Variants in TRMT44 observed in about 807,000 individuals in gnomAD.
TRMT44 encodes tRNA methyltransferase 44 homolog, also known as probable tRNA (uracil-O(2)-)-methyltransferase.
A neutral mutation model predicts 77.3 loss-of-function variants in TRMT44; 78 were observed. The observed-to-expected ratio is 1.01, with a 90% CI of 0.84 to 1.22. TRMT44 has a LOEUF of 1.22. Ranked by LOEUF, TRMT44 falls within the 50% of genes most tolerant of loss-of-function variation. The probability of loss-of-function intolerance (pLI) is 0.00; values close to 1 mark genes in which losing one functional copy is unlikely to be tolerated. For synonymous variants in TRMT44, 391 were observed against 383.3 expected, an observed-to-expected ratio of 1.02 and a Z score of -0.23; for missense variants, 1,090 against 964.4, an observed-to-expected ratio of 1.13 and a Z score of -1.73.
chr4:8,509,328 G>C, the TRMT44 span: 2 of 152,748 alleles, frequency 1.3e-5, no homozygotes, highest in Non-Finnish European at 2.9e-5. Context: ...GCAGTGGCGA[G>C]TGAGTGGCTG....
At chr4:8,463,685 C>T (rs1356600191) in intron 6 of TRMT44, among the ~76,000 whole-genome samples, 3 of 152,208 alleles carry the variant, frequency 2.0e-5, no homozygotes, top group Non-Finnish European at 4.4e-5. Flanking sequence ...TCCTGGAGCT[C>T]CTTCTTATGC....
At chr4:8,488,750 C>CCACAGTTGCATCTAGGATG (rs1330089477) in intron 2 of TRMT44, among the ~76,000 whole-genome samples, 2 of 152,212 alleles carry the variant, frequency 1.3e-5, no homozygotes, top group African/African-American at 4.8e-5. Context: ...GCCCTAGATG[C>CCACAGTTGCATCTAGGATG]CATCCTTCCA....
chr4:8,450,022 AGTGG>A (rs2109099807), intron 3 of TRMT44, 134 bp downstream of exon 3: 112 of 573,436 alleles, frequency 2.0e-4, no homozygotes, highest in Non-Finnish European at 2.7e-4. Flanking sequence ...GCCAGAGTGA[AGTGG>A]TGTGATCTTG....
intron 6 of TRMT44, among the ~76,000 whole-genome samples, chr4:8,460,918 C>T (rs1034865803): frequency 2.6e-5 from 4 of 152,146 alleles, no homozygotes; most frequent in Admixed American, 1.3e-4. Flanking sequence ...GATGTGATCA[C>T]GGCTCACTGT....
chr4:8,474,443 G>T (rs1727232534), intron 10 of TRMT44, among the ~76,000 whole-genome samples: 1 of 152,220 alleles, frequency 6.6e-6, no homozygotes, highest in South Asian at 2.1e-4. Context: ...ACAGGGTCAG[G>T]CCTGGCCTTG....
chr4:8,460,227 T>C (rs1726061598), intron 6 of TRMT44, among the ~76,000 whole-genome samples: 1 of 152,294 alleles, frequency 6.6e-6, no homozygotes, highest in African/African-American at 2.4e-5. Context: ...GGCCTCACTT[T>C]CCCAGGGTGG....
At chr4:8,501,339 G>A in the TRMT44 span, among the ~76,000 whole-genome samples, 3 of 152,126 alleles carry the variant, frequency 2.0e-5, no homozygotes, top group Non-Finnish European at 4.4e-5. This position sits in a 1 kb window ranked among gnomAD's most constrained non-coding sequence, Gnocchi z 4.4. Context: ...CTGAGAGATG[G>A]TATGTAGGCT....
rs539005944 is a variant in TRMT44, at chr4:8,467,329, C to T, written c.1495-585C>T. ...AACTAGGACGGTGCGGCTGCCGGGCCCAGGAGTGTGGACTCTTGAGTTTAG... is the reference window on the plus strand; with the variant it reads ...AACTAGGACGGTGCGGCTGCCGGGCTCAGGAGTGTGGACTCTTGAGTTTAG... On this transcript the variant is annotated intron_variant, in intron 8 of 10. Coordinates refer to ENST00000389737, the MANE Select transcript of TRMT44 (RefSeq NM_152544.3). 3.3e-5 allele frequency among the ~76,000 whole-genome samples: 5 copies of T among 152,194 alleles called. No individual in the cohort carries two copies. The East Asian group carries it at 7.8e-4, about 24-fold the overall frequency.
At position 8,453,967 on chromosome 4, in the gene TRMT44, T is replaced by C. The variant is rs1171647708; in HGVS notation, c.1132-775T>C. Among the ~76,000 whole-genome samples, 6 of 152,208 alleles carry C rather than the reference T, an allele frequency of 3.9e-5. No homozygotes were observed. In the East Asian group the frequency reaches 9.6e-4, roughly 24 times the overall value. On this transcript the variant is annotated intron_variant, in intron 5 of 10. Transcript: ENST00000389737. ...TTAAAGAATGAGTTTCTAATCATAA[T>C]ACCTATAAGCTGGTTGTGGGGGTGG...
intron 6 of TRMT44, among the ~76,000 whole-genome samples, chr4:8,460,458 C>G (rs1726073363): frequency 6.6e-6 from 1 of 152,198 alleles, no homozygotes; most frequent in African/African-American, 2.4e-5. Flanking sequence ...GCAGCTCCCA[C>G]TGTTATTTTG....
At chr4:8,511,474 A>G in the TRMT44 span, among the ~76,000 whole-genome samples, 1 of 152,118 alleles carries the variant, frequency 6.6e-6, no homozygotes, top group Non-Finnish European at 1.5e-5. Context: ...GTGATTTTGG[A>G]TCTGAGATGG....
chr4:8,505,801 C>T, the TRMT44 span, among the ~76,000 whole-genome samples: 1 of 152,092 alleles, frequency 6.6e-6, no homozygotes, highest in Non-Finnish European at 1.5e-5. Flanking sequence ...ATCACAGGGG[C>T]GGTTTCCCCC....
intron 7 of TRMT44, among the ~76,000 whole-genome samples, chr4:8,464,623 C>T (rs1037375333): frequency 1.3e-5 from 2 of 152,190 alleles, no homozygotes; most frequent in South Asian, 4.1e-4. Flanking sequence ...TTTTCATTCT[C>T]AAGGAGTAAC....
At chr4:8,485,966 C>G (rs2109223460) in intron 2 of TRMT44, among the ~76,000 whole-genome samples, 1 of 152,250 alleles carries the variant, frequency 6.6e-6, no homozygotes, top group East Asian at 1.9e-4. Flanking sequence ...ACTTACCCTC[C>G]ACTGTGAGAG....
chr4:8,441,469 A>G (rs916219919), intron 1 of TRMT44, 28 bp downstream of exon 1: 2 of 1,455,020 alleles, frequency 1.4e-6, no homozygotes, highest in African/African-American at 2.8e-5. Context: ...GTGGACGGAT[A>G]TGATTAGATA....
rs1009736940 is a variant in TRMT44 at position 8,476,391 on chromosome 4, C to T, written c.*390C>T. On this transcript the variant is annotated 3_prime_UTR_variant, in exon 11 of 11. Coordinates refer to ENST00000389737, the MANE Select transcript of TRMT44 (RefSeq NM_152544.3). ...CCACATCTGTGAAGAGGATGGGGCT[C>T]CTCGAGAAGTAAGACCGTATCTGCC... 4 of 216,386 alleles carry T rather than the reference C, an allele frequency of 1.8e-5. No homozygotes were observed. The highest frequency in any genetic ancestry group is 2.8e-5 in the Non-Finnish European group (3 of 107,796). The allele number at this position is 216,386 out of a possible 1,614,324, so 13.4% of individuals were successfully genotyped here.
At chr4:8,490,605 G>T (rs1039495060) in intron 2 of TRMT44, among the ~76,000 whole-genome samples, 2 of 152,128 alleles carry the variant, frequency 1.3e-5, no homozygotes, top group Non-Finnish European at 2.9e-5. Flanking sequence ...TGGGCTCGTG[G>T]TCTCTCTGGC....
At chr4:8,505,021 C>T in the TRMT44 span, among the ~76,000 whole-genome samples, 1 of 152,162 alleles carries the variant, frequency 6.6e-6, no homozygotes, top group Non-Finnish European at 1.5e-5. Context: ...CAGAGGAATG[C>T]CCCCTCCATG....
downstream of TRMT44, chr4:8,479,215 G>T (rs1006237853): frequency 2.0e-5 from 3 of 151,588 alleles, no homozygotes; most frequent in Non-Finnish European, 4.4e-5. Flanking sequence ...CTGCTGACTT[G>T]CCCCCAGCTC....
Sources: gnomAD v4.1 joint callset for allele counts (sites outside exome capture counted in the v4.1 genomes callset) on GRCh38, gnomAD v4.1.1 for gene constraint, Gnocchi (gnomAD v3.1) non-coding constraint, MANE v1.5 for transcripts, NCBI Gene and HGNC (gene_info 2026-07-23, HGNC 2026-07-21) for gene names.